PDE11A: variants seen among roughly 807,000 people sequenced by gnomAD.
The protein encoded by PDE11A is phosphodiesterase 11A, also known as dual 3',5'-cyclic-AMP and -GMP phosphodiesterase 11A.
A neutral mutation model predicts 100.5 loss-of-function variants in PDE11A; 100 were observed. The ratio of observed to expected loss-of-function variants is 1.00; its 90% confidence interval spans 0.85 to 1.18. The LOEUF is 1.18. Ranked by LOEUF, PDE11A falls within the 50% of genes most tolerant of loss-of-function variation. The pLI is 0.00. For missense variants in PDE11A, 1,141 were observed against 1,152.6 expected, an observed-to-expected ratio of 0.99 and a Z score of 0.15; for synonymous variants, 381 against 420.8, an observed-to-expected ratio of 0.91 and a Z score of 1.16.
At chr2:177,767,730 C>T (rs1430180883) in intron 10 of PDE11A, among the ~76,000 whole-genome samples, 1 of 152,084 alleles carries the variant, frequency 6.6e-6, no homozygotes, top group South Asian at 2.1e-4. Flanking sequence ...AGTTCTAGAA[C>T]CATTGGTGCT....
chr2:177,868,728 C>T (rs181542778), intron 5 of PDE11A, among the ~76,000 whole-genome samples: 2 of 152,254 alleles, frequency 1.3e-5, no homozygotes, highest in African/African-American at 4.8e-5. Context: ...AAATTTCTTC[C>T]AAGCTGCTGA....
intron 2 of PDE11A, among the ~76,000 whole-genome samples, chr2:177,946,819 G>A (rs1252270826): frequency 9.7e-4 from 86 of 89,090 alleles, no homozygotes; most frequent in African/African-American, 3.7e-3. Context: ...CAGCCGCCCC[G>A]TCCGGGAGGG....
At chr2:177,835,237 C>T (rs1434400545) in intron 6 of PDE11A, among the ~76,000 whole-genome samples, 2 of 152,168 alleles carry the variant, frequency 1.3e-5, no homozygotes, top group Non-Finnish European at 2.9e-5. Flanking sequence ...GCTGGGAAGA[C>T]AAAGGAATTA....
At chr2:177,813,692 A>G (rs1370112803) in intron 9 of PDE11A, among the ~76,000 whole-genome samples, 3 of 152,160 alleles carry the variant, frequency 2.0e-5, no homozygotes, top group Non-Finnish European at 2.9e-5. Flanking sequence ...TCATGAACAC[A>G]CAGCAAGACA....
rs2084266169 is a variant in PDE11A, at chr2:177,877,844, G to A, written c.1303-1921C>T. On this transcript the variant is annotated intron_variant, in intron 4 of 19. Coordinates refer to ENST00000286063, the MANE Select transcript of PDE11A (RefSeq NM_016953.4). Reference sequence around the variant, plus strand: ...AGAAAAACAAGCCCCTATAGTGAAAGGAGTCCATCTGAATGTCATAGAATG... The same window carrying A: ...AGAAAAACAAGCCCCTATAGTGAAAAGAGTCCATCTGAATGTCATAGAATG... Among the ~76,000 whole-genome samples, 7 of 152,212 alleles carry A rather than the reference G, an allele frequency of 4.6e-5. No homozygotes were observed. In the South Asian group the frequency reaches 1.5e-3, roughly 32 times the overall value.
intron 1 of PDE11A, chr2:178,105,601 A>T: frequency 2.5e-6 from 1 of 400,252 alleles, no homozygotes. Context: ...TGTAAAAATT[A>T]AAATAAGTTC....
At chr2:177,793,871 G>A (rs1394010699) in intron 9 of PDE11A, among the ~76,000 whole-genome samples, 2 of 152,224 alleles carry the variant, frequency 1.3e-5, no homozygotes, top group Non-Finnish European at 2.9e-5. Flanking sequence ...GCTGCAGATA[G>A]TGAATTTCAT....
chr2:177,881,337 A>ATCTG (rs371622130), intron 4 of PDE11A, among the ~76,000 whole-genome samples: 60 of 136,440 alleles, frequency 4.4e-4, no homozygotes, highest in Admixed American at 2.5e-3. Context: ...TCTATCATCT[A>ATCTG]TCTGTCTATC....
intron 9 of PDE11A, among the ~76,000 whole-genome samples, chr2:177,791,766 T>A (rs2082636461): frequency 6.6e-6 from 1 of 152,172 alleles, no homozygotes; most frequent in Non-Finnish European, 1.5e-5. Flanking sequence ...GACCATTAAG[T>A]ACTATTGCTT....
intron 9 of PDE11A, among the ~76,000 whole-genome samples, chr2:177,799,899 T>A (rs2082762207): frequency 6.6e-6 from 1 of 152,146 alleles, no homozygotes; most frequent in Admixed American, 6.5e-5. Context: ...AATAAAGCAC[T>A]GTATGATGGT....
intron 2 of PDE11A, among the ~76,000 whole-genome samples, chr2:177,946,039 C>G (rs2085420134): frequency 7.0e-6 from 1 of 143,698 alleles, no homozygotes. Flanking sequence ...GCCGCCCCGT[C>G]CGGGAGGGAG....
upstream of PDE11A, among the ~76,000 whole-genome samples, chr2:178,077,045 G>A (rs2087216081): frequency 1.3e-5 from 2 of 152,082 alleles, no homozygotes; most frequent in South Asian, 2.1e-4. Flanking sequence ...GTTGCAAGAG[G>A]GTAAGCCCAA....
At chr2:177,850,674 C>G (rs1434497181) in intron 5 of PDE11A, among the ~76,000 whole-genome samples, 2 of 152,012 alleles carry the variant, frequency 1.3e-5, no homozygotes, top group Non-Finnish European at 2.9e-5. Flanking sequence ...ACAAAGAACT[C>G]AAACAAATTT....
rs181960545 is a variant in PDE11A at position 177,925,848 on chromosome 2, A to G, written c.1072-20661T>C. ...TTTAGGTCAACATGGAAGATCAAATAAAAAAATGAAATCTTTTTTCTTCAG... is the reference window on the plus strand; with the variant it reads ...TTTAGGTCAACATGGAAGATCAAATGAAAAAATGAAATCTTTTTTCTTCAG... On this transcript the variant is annotated intron_variant, in intron 2 of 19. Transcript: ENST00000286063. Among the ~76,000 whole-genome samples the G allele has an allele frequency of 6.5e-3, 988 of 152,332 alleles. 11 individuals are homozygous for G. The highest frequency in any genetic ancestry group is 0.023 in the African/African-American group (953 of 41,578).
upstream of PDE11A, among the ~76,000 whole-genome samples, chr2:178,074,784 G>GC (rs1674800663): frequency 6.6e-6 from 1 of 152,192 alleles, no homozygotes; most frequent in Non-Finnish European, 1.5e-5. Context: ...AAAACTGAAT[G>GC]CAACATTTCG....
At position 177,653,042 on chromosome 2, in the gene PDE11A, T is replaced by C. The variant is rs1201005285; in HGVS notation, c.2646+10824A>G. 2.0e-5 allele frequency among the ~76,000 whole-genome samples: 3 copies of C among 152,152 alleles called. No individual in the cohort carries two copies. The East Asian group carries it at 5.8e-4, about 29-fold the overall frequency. ...GGCAGGTAAGTGGGAGAGCTGTGATTGTCAAATGGTGGCTCCATTTTAAGG... is the reference window on the plus strand; with the variant it reads ...GGCAGGTAAGTGGGAGAGCTGTGATCGTCAAATGGTGGCTCCATTTTAAGG... On this transcript the variant is annotated intron_variant, in intron 19 of 19. Transcript: ENST00000286063.
chr2:177,651,446 C>T (rs1323381067), intron 19 of PDE11A, among the ~76,000 whole-genome samples: 2 of 152,220 alleles, frequency 1.3e-5, no homozygotes, highest in East Asian at 1.9e-4. Context: ...GGCCCAAAAC[C>T]TTTAAAAAGT....
intron 17 of PDE11A, among the ~76,000 whole-genome samples, chr2:177,672,327 A>G (rs534070121): frequency 6.6e-6 from 1 of 152,378 alleles, no homozygotes; most frequent in African/African-American, 2.4e-5. Flanking sequence ...TGCCTGATGT[A>G]CATTGGACAG....
intron 2 of PDE11A, among the ~76,000 whole-genome samples, chr2:177,942,788 T>G (rs1339913296): frequency 6.6e-6 from 1 of 152,206 alleles, no homozygotes; most frequent in East Asian, 1.9e-4. Context: ...GTAGTCTAAG[T>G]ATATTCACAT....
Sources: gnomAD v4.1 joint callset for allele counts (sites outside exome capture counted in the v4.1 genomes callset) on GRCh38, gnomAD v4.1.1 for gene constraint, MANE v1.5 for transcripts, NCBI Gene and HGNC (gene_info 2026-07-23, HGNC 2026-07-21) for gene names.